Variants in DAAM1 observed in about 807,000 individuals in gnomAD.
DAAM1 encodes the protein dishevelled associated activator of morphogenesis 1.
Under a neutral mutation model 130.0 loss-of-function variants are expected in DAAM1, and 52 were observed. The observed-to-expected ratio is 0.40, with a 90% CI of 0.32 to 0.50. The LOEUF is 0.50. DAAM1 is among the 20% of genes least tolerant of loss of function. DAAM1 has a pLI of 0.61. For synonymous variants in DAAM1, 452 were observed against 444.5 expected (o/e 1.02, Z -0.21); for missense variants, 1,134 against 1,303.8 (o/e 0.87, Z 2.01).
At chr14:59,276,577 C>G (rs964487764) in intron 2 of DAAM1, among the ~76,000 whole-genome samples, 8 of 152,144 alleles carry the variant, frequency 5.3e-5, no homozygotes, top group African/African-American at 1.9e-4. Flanking sequence ...GGCTTGCAGC[C>G]TGCTGGGCTT....
rs113664643 is a variant in DAAM1 at position 59,289,670 on chromosome 14, A to G, written c.184-1547A>G. ...AAATAAATTGTTCTCCCAAAAAGACATATGCACTTGTATGTTCATTGCAGC... is the reference window on the plus strand; with the variant it reads ...AAATAAATTGTTCTCCCAAAAAGACGTATGCACTTGTATGTTCATTGCAGC... On this transcript the variant is annotated intron_variant, in intron 2 of 24. Coordinates refer to ENST00000360909, the MANE Select transcript of DAAM1 (RefSeq NM_001270520.2). Among the ~76,000 whole-genome samples the G allele has an allele frequency of 3.2e-4, 49 of 151,356 alleles. 1 individual carries two copies. Among genetic ancestry groups the G allele is most frequent in the African/African-American group, 1.1e-3 (47 of 41,196 alleles).
intron 22 of DAAM1, chr14:59,363,105 G>T (rs963294897): frequency 6.5e-6 from 1 of 153,438 alleles, no homozygotes; most frequent in Admixed American, 6.5e-5. Flanking sequence ...TCCCCTACAG[G>T]CCTGTTCACA....
chr14:59,197,490 A>G (rs895661645), intron 1 of DAAM1, among the ~76,000 whole-genome samples: 6 of 152,224 alleles, frequency 3.9e-5, no homozygotes, highest in African/African-American at 1.2e-4. Context: ...CAGGCCTGCT[A>G]TTATATTTTC....
At position 59,353,869 on chromosome 14, in the gene DAAM1, C is replaced by T. The variant is rs183792356; in HGVS notation, c.2268-7C>T. 2 of 1,613,386 alleles carry T rather than the reference C, an allele frequency of 1.2e-6. No homozygotes were observed. The highest frequency in any genetic ancestry group is 1.7e-6 in the Non-Finnish European group (2 of 1,179,558). The stretch of plus-strand genomic sequence containing the variant: ...GAATATCAATTAGTACATGTTTGCT[C>T]TTACAGAATTAATCACTATCAGCAA... On this transcript the variant is annotated splice_region_variant and splice_polypyrimidine_tract_variant and intron_variant, in intron 18 of 24. Coordinates refer to ENST00000360909, the MANE Select transcript of DAAM1 (RefSeq NM_001270520.2).
At chr14:59,291,775 C>T (rs545795069) in intron 3 of DAAM1, among the ~76,000 whole-genome samples, 1 of 152,298 alleles carries the variant, frequency 6.6e-6, no homozygotes, top group South Asian at 2.1e-4. Flanking sequence ...AAAGGAAGCA[C>T]AGGCTCCTCC....
intron 11 of DAAM1, 25 bp downstream of exon 11, chr14:59,326,673 TG>T: frequency 1.9e-6 from 3 of 1,606,902 alleles, no homozygotes; most frequent in Non-Finnish European, 2.5e-6. Context: ...ATTCTGCTGC[TG>T]TGAGATAATG....
intron 1 of DAAM1, among the ~76,000 whole-genome samples, chr14:59,226,395 A>G (rs942708458): frequency 6.6e-6 from 1 of 152,212 alleles, no homozygotes; most frequent in Admixed American, 6.5e-5. Flanking sequence ...ACACACGTAC[A>G]TAGCAGAAGA....
chr14:59,355,305 A>G lies in DAAM1; in HGVS notation c.2497A>G (p.Ile833Val). The change falls in exon 20 of 25, where the codon ATT (isoleucine) becomes GTT (valine). Residue 833 changes from isoleucine to valine, a missense_variant. Ile to Val is a conservative substitution (Grantham distance 29, BLOSUM62 3). Coordinates refer to ENST00000360909, the MANE Select transcript of DAAM1 (RefSeq NM_001270520.2). The stretch of plus-strand genomic sequence containing the variant: ...ATTCAAGATATCTAGCCTAAACAAA[A>G]TTGCTGACACAAAATCCAGCATCGA... ...YGFKISSLNK[I>V]ADTKSSIDKN... 6.2e-7 allele frequency: 1 copy of G among 1,614,062 alleles called. No individual in the cohort carries two copies. The highest frequency in any genetic ancestry group is 8.5e-7 in the Non-Finnish European group (1 of 1,179,988).
At chr14:59,341,306 A>C (rs1885835710) in intron 16 of DAAM1, among the ~76,000 whole-genome samples, 2 of 152,170 alleles carry the variant, frequency 1.3e-5, no homozygotes. Flanking sequence ...CTTTTGTTCC[A>C]TGAACTATGC....
chr14:59,245,550 T>G (rs1324647688), intron 1 of DAAM1, among the ~76,000 whole-genome samples: 1 of 152,140 alleles, frequency 6.6e-6, no homozygotes, highest in Non-Finnish European at 1.5e-5. Flanking sequence ...ACCCAGCAAG[T>G]AGATGTTCTA....
intron 2 of DAAM1, 40 bp from the exon 3 acceptor site, chr14:59,291,177 G>A: frequency 6.6e-7 from 1 of 1,524,062 alleles, no homozygotes; most frequent in Non-Finnish European, 8.9e-7. Flanking sequence ...CAGGAATAAT[G>A]TTTATCCTAT....
In DAAM1 at chr14:59,369,743, T is replaced by TAA. The variant is rs1555330047; in HGVS notation, c.*886_*887dup. On this transcript the variant is annotated 3_prime_UTR_variant, in exon 25 of 25. Transcript: ENST00000360909. ...TTAAAGGAAGAATTCTCTGAAGGGA[T>TAA]AAAGATTACTAAAAAAAAAAAAAAA... The TAA allele has an allele frequency of 1.2e-4, 9 of 76,168 alleles. No individual in the cohort carries two copies. The highest frequency in any genetic ancestry group is 1.9e-4 in the Non-Finnish European group (8 of 41,178). 4.7% of individuals were successfully genotyped at this position (76,168 alleles called of 1,614,324 possible).
At chr14:59,238,070 C>T (rs1889357554) in intron 1 of DAAM1, among the ~76,000 whole-genome samples, 1 of 152,068 alleles carries the variant, frequency 6.6e-6, no homozygotes, top group Admixed American at 6.6e-5. Context: ...TGCCTTTCCT[C>T]TGTGTTTTAT....
intron 3 of DAAM1, among the ~76,000 whole-genome samples, chr14:59,294,088 C>T (rs1474255683): frequency 6.6e-6 from 1 of 152,162 alleles, no homozygotes; most frequent in Non-Finnish European, 1.5e-5. Flanking sequence ...GCATTACAGA[C>T]ATTCTCACAC....
intron 3 of DAAM1, 25 bp downstream of exon 3, chr14:59,291,331 T>C: frequency 6.5e-7 from 1 of 1,543,166 alleles, no homozygotes; most frequent in Middle Eastern, 1.7e-4. Flanking sequence ...GTGATTATGG[T>C]TAACTGGAAA....
chr14:59,248,645 T>C lies in DAAM1; in HGVS notation c.-37-14796T>C, dbSNP rs112645643. 2.0e-5 allele frequency among the ~76,000 whole-genome samples: 3 copies of C among 152,352 alleles called. 1 individual carries two copies. The highest frequency in any genetic ancestry group is 7.2e-5 in the African/African-American group (3 of 41,572). ...ACTCAACACATGTGCTTTTGTGTTCTTGGCTGCTAGTCTTATAATTTCCTC... is the reference window on the plus strand; with the variant it reads ...ACTCAACACATGTGCTTTTGTGTTCCTGGCTGCTAGTCTTATAATTTCCTC... On this transcript the variant is annotated intron_variant, in intron 1 of 24. Transcript: ENST00000360909.
chr14:59,321,414 T>C (rs545965476), intron 5 of DAAM1, among the ~76,000 whole-genome samples: 2 of 152,364 alleles, frequency 1.3e-5, no homozygotes, highest in South Asian at 4.1e-4. Flanking sequence ...ATTGTACACT[T>C]TAAAAGGGTG....
chr14:59,299,651 G>A (rs1260214362), intron 3 of DAAM1: 1 of 152,116 alleles, frequency 6.6e-6, no homozygotes, highest in Non-Finnish European at 1.5e-5. Context: ...ACTAAGTTAG[G>A]AGGTTCTATT....
chr14:59,343,100 C>T (rs1044277468), intron 16 of DAAM1, among the ~76,000 whole-genome samples: 1 of 152,132 alleles, frequency 6.6e-6, no homozygotes, highest in African/African-American at 2.4e-5. Flanking sequence ...TGTGAGAATT[C>T]CTCCTAGGAT....
Sources: gnomAD v4.1 joint callset for allele counts (sites outside exome capture counted in the v4.1 genomes callset) on GRCh38, gnomAD v4.1.1 for gene constraint, MANE v1.5 for transcripts, NCBI Gene and HGNC (gene_info 2026-07-23, HGNC 2026-07-21) for gene names.